CSPG5: variants seen among roughly 807,000 people sequenced by gnomAD.
The protein encoded by CSPG5 is chondroitin sulfate proteoglycan 5, also known as acidic leucine-rich EGF-like domain-containing brain protein.
Under a neutral mutation model 39.8 loss-of-function variants are expected in CSPG5, and 25 were observed. The observed-to-expected ratio is 0.63, with a 90% CI of 0.46 to 0.88. The LOEUF (loss-of-function observed/expected upper bound fraction) is 0.88. Ranked by LOEUF, CSPG5 falls within the 40% of genes least tolerant of loss-of-function variation. The pLI is 0.00. For missense variants in CSPG5, 627 were observed against 702.2 expected (o/e 0.89, Z 1.21); for synonymous variants, 295 against 303.9 (o/e 0.97, Z 0.31).
chr3:47,574,668 G>A (rs1559613856), intron 2 of CSPG5, among the ~76,000 whole-genome samples: 1 of 152,132 alleles, frequency 6.6e-6, no homozygotes, highest in South Asian at 2.1e-4. Flanking sequence ...GGCTGGGCGC[G>A]GTGGCTCACG....
Position 47,572,559 on chromosome 3 carries a change from C to T in CSPG5, c.1382+127G>A, listed in dbSNP as rs36030547. ...TGAATTTTTAGCACAGACAAAACAGCTGGGAATGGAGCACAGGTGCCAGAA... is the reference window on the plus strand; with the variant it reads ...TGAATTTTTAGCACAGACAAAACAGTTGGGAATGGAGCACAGGTGCCAGAA... On this transcript the variant is annotated intron_variant, in intron 3 of 4. Coordinates refer to ENST00000264723, the MANE Select transcript of CSPG5 (RefSeq NM_006574.4). This position sits in a 1 kb window ranked among gnomAD's most constrained non-coding sequence, Gnocchi z 4.5. 3 of 785,728 alleles carry T rather than the reference C, an allele frequency of 3.8e-6. No homozygotes were observed. Among genetic ancestry groups the T allele is most frequent in the Admixed American group, 4.7e-5 (2 of 42,110 alleles). The allele number at this position is 785,728 out of a possible 1,614,324, so 48.7% of individuals were successfully genotyped here. A position where few individuals can be genotyped will look rare whatever the true frequency, so the allele number is the denominator to read the frequency against.
chr3:47,565,678 TA>T (rs1169723151), intron 4 of CSPG5, among the ~76,000 whole-genome samples: 17 of 105,796 alleles, frequency 1.6e-4, no homozygotes, highest in African/African-American at 6.0e-4. Context: ...AAGAGTTAAA[TA>T]GGAAAAAAAA....
rs2031878624 is a variant in CSPG5, at chr3:47,578,667, C to T, written c.27G>A (p.Pro9=). 12 of 1,092,804 alleles carry T rather than the reference C, an allele frequency of 1.1e-5. No homozygotes were observed. Among genetic ancestry groups the T allele is most frequent in the African/African-American group, 1.7e-5 (1 of 59,516 alleles). 67.7% of individuals were successfully genotyped at this position (1,092,804 alleles called of 1,614,324 possible). A position where few individuals can be genotyped will look rare whatever the true frequency, so the allele number is the denominator to read the frequency against. The change falls in exon 1 of 5, where the codon CCG becomes CCA. Residue 9 remains proline, a synonymous_variant. Transcript: ENST00000264723. The surrounding 1 kb of genome is among the most constrained non-coding windows in gnomAD (Gnocchi z 6.0). ...GCAGCAGTGGCGGCGGCCCCCGGCC[C>T]GGGCCCCCGCCCCCGGCTCGCCCCA... MGRAGGGG[P]GRGPPPLLLF...
intron 4 of CSPG5, among the ~76,000 whole-genome samples, chr3:47,566,829 C>T (rs1237999890): frequency 6.6e-6 from 1 of 152,218 alleles, no homozygotes; most frequent in African/African-American, 2.4e-5. Flanking sequence ...GCCGACCAGC[C>T]TCACCCGCCC....
At chr3:47,579,873 C>T (rs1480941141), upstream of CSPG5, 2 of 152,252 alleles carry the variant, frequency 1.3e-5, no homozygotes, top group Non-Finnish European at 1.5e-5. This position sits in a 1 kb window ranked among gnomAD's most constrained non-coding sequence, Gnocchi z 4.2. Context: ...CCGTCTACCC[C>T]TTAATGTGTT....
At position 47,572,854 on chromosome 3, in the gene CSPG5, A is replaced by G. The variant is rs777353368; in HGVS notation, c.1214T>C (p.Ile405Thr). 3 of 1,612,172 alleles carry G rather than the reference A, an allele frequency of 1.9e-6. No individual in the cohort carries two copies. Among genetic ancestry groups the G allele is most frequent in the Admixed American group, 1.7e-5 (1 of 59,836 alleles). The stretch of plus-strand genomic sequence containing the variant: ...CTCGCAGCGCATCCCCTTGTGCCAG[A>G]TGTAGTCCTGCGTGTTGCACCTGCA... Reference protein sequence around the residue: ...AFCRCNTQDYIWHKGMRCESI... With the variant: ...AFCRCNTQDYTWHKGMRCESI... The change falls in exon 3 of 5, where the codon ATC (isoleucine) becomes ACC (threonine). Residue 405 changes from isoleucine to threonine, a missense_variant. Transcript: ENST00000264723. The surrounding 1 kb of genome is among the most constrained non-coding windows in gnomAD (Gnocchi z 4.5).
Position 47,578,667 on chromosome 3 carries a change from C to A in CSPG5, c.27G>T (p.Pro9=). ...GCAGCAGTGGCGGCGGCCCCCGGCC[C>A]GGGCCCCCGCCCCCGGCTCGCCCCA... The part of the protein sequence containing the change: MGRAGGGG[P]GRGPPPLLLF... The change falls in exon 1 of 5, where the codon CCG becomes CCT. Residue 9 remains proline, a synonymous_variant. Transcript: ENST00000264723. This position sits in a 1 kb window ranked among gnomAD's most constrained non-coding sequence, Gnocchi z 6.0. 1.8e-6 allele frequency: 2 copies of A among 1,092,908 alleles called. No individual in the cohort carries two copies. Among genetic ancestry groups the A allele is most frequent in the Non-Finnish European group, 2.2e-6 (2 of 893,066 alleles). 67.7% of individuals were successfully genotyped at this position (1,092,908 alleles called of 1,614,324 possible).
intron 4 of CSPG5, among the ~76,000 whole-genome samples, chr3:47,566,635 C>T (rs531383287): frequency 2.6e-4 from 40 of 152,140 alleles, no homozygotes; most frequent in South Asian, 2.1e-4. Flanking sequence ...CACAAGCTGA[C>T]GGAAAGACAC....
At chr3:47,579,501 G>C (rs1161088618), upstream of CSPG5, 3 of 152,220 alleles carry the variant, frequency 2.0e-5, no homozygotes, top group African/African-American at 7.3e-5. This position sits in a 1 kb window ranked among gnomAD's most constrained non-coding sequence, Gnocchi z 4.2. Flanking sequence ...CCTAGATCTC[G>C]CACAGCCAGG....
At position 47,562,620 on chromosome 3, in the gene CSPG5, G is replaced by A; in HGVS notation, c.1600C>T (p.Leu534Phe). 1 of 1,612,656 alleles carries A rather than the reference G, an allele frequency of 6.2e-7. No individual in the cohort carries two copies. The highest frequency in any genetic ancestry group is 8.5e-7 in the Non-Finnish European group (1 of 1,179,386). The stretch of plus-strand genomic sequence containing the variant: ...CTGCTTTAGGTTAAATTATTCTGAA[G>A]ACAGTTCACATCCAAGTCAGCCTGG... ...GDQADLDVNC[L>F]QNNLT is the part of the protein sequence containing the mutation. The change falls in exon 5 of 5, where the codon CTT (leucine) becomes TTT (phenylalanine). Residue 534 changes from leucine (L) to phenylalanine (F), a missense_variant. Coordinates refer to ENST00000264723, the MANE Select transcript of CSPG5 (RefSeq NM_006574.4).
At chr3:47,567,525 T>C (rs1012482411) in intron 4 of CSPG5, among the ~76,000 whole-genome samples, 3 of 152,258 alleles carry the variant, frequency 2.0e-5, no homozygotes, top group Non-Finnish European at 4.4e-5. Flanking sequence ...AAATAATCTG[T>C]TCTTTTTCTA....
At position 47,578,706 on chromosome 3, in the gene CSPG5, C is replaced by A. The variant is rs751060857; in HGVS notation, c.-13G>T. The stretch of plus-strand genomic sequence containing the variant: ...CGGCTCGCCCCATGGCGCGGCGCCC[C>A]GACCGCTGTCCGCGGTCCGCCCGGC... On this transcript the variant is annotated 5_prime_UTR_variant, in exon 1 of 5. Coordinates refer to ENST00000264723, the MANE Select transcript of CSPG5 (RefSeq NM_006574.4). The surrounding 1 kb of genome is among the most constrained non-coding windows in gnomAD (Gnocchi z 6.0). 8.3e-6 allele frequency: 7 copies of A among 845,176 alleles called. No homozygotes were observed. The highest frequency in any genetic ancestry group is 1.8e-5 in the African/African-American group (1 of 54,342). 52.4% of individuals were successfully genotyped at this position (845,176 alleles called of 1,614,324 possible). A position where few individuals can be genotyped will look rare whatever the true frequency, so the allele number is the denominator to read the frequency against.
At chr3:47,565,425 G>T (rs555690149) in intron 4 of CSPG5, among the ~76,000 whole-genome samples, 1 of 152,266 alleles carries the variant, frequency 6.6e-6, no homozygotes, top group South Asian at 2.1e-4. Flanking sequence ...TCCACAGCAG[G>T]TCCAACTGCC....
chr3:47,573,619 C>T (rs2031603701), intron 2 of CSPG5, among the ~76,000 whole-genome samples: 1 of 152,102 alleles, frequency 6.6e-6, no homozygotes, highest in Non-Finnish European at 1.5e-5. Context: ...ATTGCTGTTT[C>T]CATGGGAACC....
rs1576375433 is a variant in CSPG5 at position 47,577,997 on chromosome 3, C to A, written c.98-69G>T. 7.3e-6 allele frequency: 10 copies of A among 1,362,358 alleles called. No individual in the cohort carries two copies. The East Asian group carries it at 3.0e-4, about 41-fold the overall frequency. 84.4% of individuals were successfully genotyped at this position (1,362,358 alleles called of 1,614,324 possible). On this transcript the variant is annotated intron_variant, in intron 1 of 4. Coordinates refer to ENST00000264723, the MANE Select transcript of CSPG5 (RefSeq NM_006574.4). The surrounding 1 kb of genome is among the most constrained non-coding windows in gnomAD (Gnocchi z 4.7). ...TGAGGAGCCCTGGAGCCCCGGCCCG[C>A]CCCGGTCAGGCCCGCTCGCCTAGAC... is the stretch of plus-strand genomic sequence containing the variant.
At chr3:47,575,297 G>A (rs2031674432) in intron 2 of CSPG5, among the ~76,000 whole-genome samples, 2 of 152,292 alleles carry the variant, frequency 1.3e-5, no homozygotes, top group South Asian at 2.1e-4. Flanking sequence ...TGACAGAAAT[G>A]CTCCATCTAG....
chr3:47,573,012 T>G (rs1265394218), intron 2 of CSPG5, 138 bp from the exon 3 acceptor site: 1 of 663,466 alleles, frequency 1.5e-6, no homozygotes, highest in East Asian at 2.8e-5. Flanking sequence ...GCTCCGAATC[T>G]GCACAGACCT....
Position 47,577,358 on chromosome 3 carries a change from G to T in CSPG5, c.668C>A (p.Ala223Glu), listed in dbSNP as rs756254562. The T allele has an allele frequency of 5.6e-6, 9 of 1,614,006 alleles. No homozygotes were observed. In the South Asian group the frequency reaches 9.9e-5, roughly 18 times the overall value. Residue 223 changes from alanine to glutamate, a missense_variant, in exon 2 of 5, where the codon GCA (alanine) becomes GAA (glutamate). Physicochemically the swap from Ala to Glu is moderately radical, Grantham distance 107 (BLOSUM62 -1). Coordinates refer to ENST00000264723, the MANE Select transcript of CSPG5 (RefSeq NM_006574.4). The surrounding 1 kb of genome is among the most constrained non-coding windows in gnomAD (Gnocchi z 4.7). Reference protein sequence around the residue: ...FEGLDGEGRGADLGSFPGSPG... With the variant: ...FEGLDGEGRGEDLGSFPGSPG... ...TGACCCTGGGAAGCTCCCCAGATCT[G>T]CGCCACGACCCTCACCATCCAGTCC...
rs1234034756 is a variant in CSPG5, at chr3:47,578,338, GC to G, written c.97+258del. On this transcript the variant is annotated intron_variant, in intron 1 of 4. Transcript: ENST00000264723. This position sits in a 1 kb window ranked among gnomAD's most constrained non-coding sequence, Gnocchi z 6.0. ...CCCGCCCCGGCCCCGCCCCGGCCCC[GC>G]CCCCGGCCCCGCCCCCAGTCCGCAC... Among the ~76,000 whole-genome samples, 190 of 7,866 alleles carry G rather than the reference GC, an allele frequency of 0.024. No homozygotes were observed. Among genetic ancestry groups the G allele is most frequent in the South Asian group, 0.21 (100 of 476 alleles). 5.2% of individuals were successfully genotyped at this position (7,866 alleles called of 152,430 possible). A position where few individuals can be genotyped will look rare whatever the true frequency, so the allele number is the denominator to read the frequency against.
Sources: allele counts gnomAD v4.1 joint callset (sites outside exome capture counted in the v4.1 genomes callset), GRCh38; gene constraint gnomAD v4.1.1; non-coding constraint Gnocchi (gnomAD v3.1); transcripts MANE v1.5; gene names NCBI Gene and HGNC (gene_info 2026-07-23, HGNC 2026-07-21).